Variants in PCDHGB6 observed in about 807,000 individuals in gnomAD.
PCDHGB6 encodes protocadherin gamma subfamily B, 6.
Under a neutral mutation model 59.1 loss-of-function variants are expected in PCDHGB6, and 51 were observed. That is an observed-to-expected ratio of 0.86 (90% confidence interval 0.69 to 1.09). The LOEUF (loss-of-function observed/expected upper bound fraction) is 1.09, where lower values mean the gene tolerates loss of function less well. PCDHGB6 is among the 50% of genes least tolerant of loss of function. The pLI is 0.00. For missense variants in PCDHGB6, 1,148 were observed against 1,205.1 expected (o/e 0.95, Z 0.70); for synonymous variants, 466 against 495.1 (o/e 0.94, Z 0.78).
intron 1 of PCDHGB6, among the ~76,000 whole-genome samples, chr5:141,479,979 T>C (rs67253891): frequency 0.061 from 9,352 of 152,266 alleles, 334 homozygotes; most frequent in South Asian, 0.12. Context: ...GTTCTACCAT[T>C]TACCAACTAG....
At chr5:141,495,010 G>T (rs1327870362) in intron 2 of PCDHGB6, 145 bp downstream of exon 2, 1 of 1,516,970 alleles carries the variant, frequency 6.6e-7, no homozygotes, top group Non-Finnish European at 8.9e-7. Flanking sequence ...GTGTGCGGGG[G>T]GCTGGCACAC....
At chr5:141,478,838 T>C (rs1439577444) in intron 1 of PCDHGB6, 1 of 1,426,484 alleles carries the variant, frequency 7.0e-7, no homozygotes, top group Non-Finnish European at 9.2e-7. Flanking sequence ...TAAGGGATGG[T>C]TAAGCTAAAA....
At position 141,505,383 on chromosome 5, in the gene PCDHGB6, C is replaced by G. The variant is rs369765886; in HGVS notation, c.2478-10C>G. On this transcript the variant is annotated splice_polypyrimidine_tract_variant and intron_variant, in intron 2 of 3. Transcript: ENST00000520790. ...GGGAGTCTGTGCTCACCATCCTACT[C>G]TCTCCCCAGCTCCCAAAATGGCGAT... The G allele has an allele frequency of 6.2e-7, 1 of 1,613,944 alleles. No homozygotes were observed. The highest frequency in any genetic ancestry group is 1.3e-5 in the African/African-American group (1 of 74,914).
intron 1 of PCDHGB6, among the ~76,000 whole-genome samples, chr5:141,494,100 G>T (rs559145191): frequency 6.6e-6 from 1 of 152,152 alleles, no homozygotes; most frequent in Non-Finnish European, 1.5e-5. Flanking sequence ...ATTTTTCTCC[G>T]TCTCAGACAG....
chr5:141,444,722 C>T (rs72790051), intron 1 of PCDHGB6, among the ~76,000 whole-genome samples: 3,290 of 152,024 alleles, frequency 0.022, 51 homozygotes, highest in South Asian at 0.038. Flanking sequence ...TGCTTGGTGC[C>T]TTTGTTGAAA....
chr5:141,475,981 G>A, intron 1 of PCDHGB6: 1 of 1,042,940 alleles, frequency 9.6e-7, no homozygotes, highest in Non-Finnish European at 1.4e-6. Context: ...CTGAACAGCC[G>A]GCGAGCAAAT....
rs2099750805 is a variant in PCDHGB6, at chr5:141,493,915, T to C, written c.2419-892T>C. ...TGCTCCATGAGAGTGTGTGATGGGA[T>C]AACACACCCCCTGGAAAGACCAGAA... On this transcript the variant is annotated intron_variant, in intron 1 of 3. Transcript: ENST00000520790. This position sits in a 1 kb window ranked among gnomAD's most constrained non-coding sequence, Gnocchi z 4.3. Among the ~76,000 whole-genome samples, 1 of 152,024 alleles carries C rather than the reference T, an allele frequency of 6.6e-6. No homozygotes were observed. Among genetic ancestry groups the C allele is most frequent in the African/African-American group, 2.4e-5 (1 of 41,386 alleles).
intron 1 of PCDHGB6, among the ~76,000 whole-genome samples, chr5:141,459,838 A>C (rs944807247): frequency 1.3e-5 from 2 of 152,098 alleles, no homozygotes; most frequent in African/African-American, 4.8e-5. Context: ...TGTGTTGTCT[A>C]TTTGTATATC....
At chr5:141,481,838 T>G (rs1297962011) in intron 1 of PCDHGB6, among the ~76,000 whole-genome samples, 2 of 150,868 alleles carry the variant, frequency 1.3e-5, no homozygotes, top group African/African-American at 4.9e-5. Flanking sequence ...GGAGAATCGC[T>G]TGATGGTGGA....
chr5:141,473,699 C>T (rs560096812), intron 1 of PCDHGB6, among the ~76,000 whole-genome samples: 2 of 152,244 alleles, frequency 1.3e-5, no homozygotes, highest in South Asian at 2.1e-4. Flanking sequence ...TGACCACCCT[C>T]CAAGTGGTGC....
intron 1 of PCDHGB6, among the ~76,000 whole-genome samples, chr5:141,462,430 T>C (rs1471523013): frequency 2.0e-5 from 3 of 152,230 alleles, no homozygotes; most frequent in African/African-American, 4.8e-5. Flanking sequence ...TTGGTGAGTG[T>C]TGCTTACACA....
chr5:141,444,710 T>A (rs2098445001), intron 1 of PCDHGB6, among the ~76,000 whole-genome samples: 1 of 152,236 alleles, frequency 6.6e-6, no homozygotes, highest in Admixed American at 6.5e-5. Flanking sequence ...TTCTGTTGAA[T>A]TTGCTTGGTG....
chr5:141,431,393 C>T lies in PCDHGB6; in HGVS notation c.2418+20773C>T, dbSNP rs1485575362. 5 of 1,613,884 alleles carry T rather than the reference C, an allele frequency of 3.1e-6. No individual in the cohort carries two copies. Among genetic ancestry groups the T allele is most frequent in the Non-Finnish European group, 4.2e-6 (5 of 1,180,048 alleles). On this transcript the variant is annotated intron_variant, in intron 1 of 3. Coordinates refer to ENST00000520790, the MANE Select transcript of PCDHGB6 (RefSeq NM_018926.3). The surrounding 1 kb of genome is among the most constrained non-coding windows in gnomAD (Gnocchi z 4.8). ...AGAAAAGGCTGCTCACCACCTGGTC[C>T]TTACGGCCTCCGACGGGGGCGACCC...
intron 1 of PCDHGB6, chr5:141,478,142 G>A: frequency 3.7e-6 from 6 of 1,613,988 alleles, no homozygotes; most frequent in Non-Finnish European, 4.2e-6. Flanking sequence ...AGCCCGAGCC[G>A]AGTTCCCCTC....
rs150106838 is a variant in PCDHGB6, at chr5:141,503,886, T to C, written c.2478-1507T>C. On this transcript the variant is annotated intron_variant, in intron 2 of 3. Coordinates refer to ENST00000520790, the MANE Select transcript of PCDHGB6 (RefSeq NM_018926.3). Reference sequence around the variant, plus strand: ...AGTTCTTGGTTGTGCTCACCCACCATGACAAAATATGCACACACACAACGC... The same window carrying C: ...AGTTCTTGGTTGTGCTCACCCACCACGACAAAATATGCACACACACAACGC... Among the ~76,000 whole-genome samples, 20 of 152,290 alleles carry C rather than the reference T, an allele frequency of 1.3e-4. No individual in the cohort carries two copies. The South Asian group carries it at 3.9e-3, about 30-fold the overall frequency.
In PCDHGB6 at chr5:141,489,993, C is replaced by A; in HGVS notation, c.2419-4814C>A. 6.2e-7 allele frequency: 1 copy of A among 1,614,186 alleles called. No individual in the cohort carries two copies. The highest frequency in any genetic ancestry group is 1.1e-5 in the South Asian group (1 of 91,088). On this transcript the variant is annotated intron_variant, in intron 1 of 3. Transcript: ENST00000520790. The surrounding 1 kb of genome is among the most constrained non-coding windows in gnomAD (Gnocchi z 4.5). ...AATCCTCAGTTCTACGTGTGGGAATCCCAGAGAATGCACCCATTGGTACTC... is the reference window on the plus strand; with the variant it reads ...AATCCTCAGTTCTACGTGTGGGAATACCAGAGAATGCACCCATTGGTACTC...
At chr5:141,488,348 C>T (rs1231687770) in intron 1 of PCDHGB6, among the ~76,000 whole-genome samples, 1 of 152,106 alleles carries the variant, frequency 6.6e-6, no homozygotes, top group Non-Finnish European at 1.5e-5. Flanking sequence ...TAGAAACAGC[C>T]ACCCTGTGCA....
At position 141,423,457 on chromosome 5, in the gene PCDHGB6, G is replaced by A. The variant is rs148481587; in HGVS notation, c.2418+12837G>A. 6.9e-5 allele frequency: 111 copies of A among 1,614,010 alleles called. 2 individuals carry two copies. The South Asian group carries it at 9.3e-4, about 14-fold the overall frequency. ...TATGCCCACGTCACATTTTGTAGGC[G>A]TGGACGGGGTACAGGCTTTCCTGCA... On this transcript the variant is annotated intron_variant, in intron 1 of 3. Coordinates refer to ENST00000520790, the MANE Select transcript of PCDHGB6 (RefSeq NM_018926.3).
At chr5:141,509,570 G>A (rs2099877371) in intron 3 of PCDHGB6, among the ~76,000 whole-genome samples, 1 of 152,232 alleles carries the variant, frequency 6.6e-6, no homozygotes, top group South Asian at 2.1e-4. Flanking sequence ...AGCCTTCACA[G>A]TGCGTACAAA....
Sources: allele counts gnomAD v4.1 joint callset (sites outside exome capture counted in the v4.1 genomes callset), GRCh38; gene constraint gnomAD v4.1.1; non-coding constraint Gnocchi (gnomAD v3.1); transcripts MANE v1.5; gene names NCBI Gene and HGNC (gene_info 2026-07-23, HGNC 2026-07-21).